Variants in OMA1 observed in about 807,000 individuals in gnomAD.
The protein encoded by OMA1 is metalloendopeptidase OMA1, mitochondrial.
OMA1 carries 38 observed loss-of-function variants against 30.9 expected under a neutral mutation model. The observed-to-expected ratio is 1.23, with a 90% CI of 0.95 to 1.61. OMA1 has a LOEUF of 1.61. Among genes scored for constraint, OMA1 ranks in the 40% most tolerant of loss-of-function variants. The probability of loss-of-function intolerance (pLI) is 0.00; values close to 1 mark genes in which losing one functional copy is unlikely to be tolerated. For missense variants in OMA1, 461 were observed against 349.2 expected, an observed-to-expected ratio of 1.32 and a Z score of -2.55; for synonymous variants, 173 against 121.9, an observed-to-expected ratio of 1.42 and a Z score of -2.76.
chr1:58,525,704 A>G (rs560429974), intron 7 of OMA1, among the ~76,000 whole-genome samples: 7 of 152,184 alleles, frequency 4.6e-5, no homozygotes, highest in Non-Finnish European at 1.5e-5. Context: ...CTATGTATGT[A>G]TAATTTAATA....
At chr1:58,497,087 C>A (rs923746354) in intron 8 of OMA1, among the ~76,000 whole-genome samples, 2 of 152,136 alleles carry the variant, frequency 1.3e-5, no homozygotes, top group African/African-American at 4.8e-5. Context: ...TATAAAATAT[C>A]CTTCCCAAAA....
At chr1:58,505,742 T>C (rs1645977947) in intron 8 of OMA1, among the ~76,000 whole-genome samples, 1 of 152,154 alleles carries the variant, frequency 6.6e-6, no homozygotes, top group African/African-American at 2.4e-5. Context: ...TAAATTATCA[T>C]CAACATGTTT....
chr1:58,508,102 T>C (rs1160556222), intron 7 of OMA1, among the ~76,000 whole-genome samples: 1 of 152,146 alleles, frequency 6.6e-6, no homozygotes, highest in Non-Finnish European at 1.5e-5. Flanking sequence ...ATATTTGATA[T>C]GCAGAAATAG....
chr1:58,490,795 C>CATT, intron 8 of OMA1, among the ~76,000 whole-genome samples: 1 of 59,272 alleles, frequency 1.7e-5, no homozygotes, highest in East Asian at 7.2e-4. Context: ...AGTCAACATT[C>CATT]TTTTTTTTTT....
chr1:58,527,005 C>A (rs11799415), intron 7 of OMA1, among the ~76,000 whole-genome samples: 1 of 151,948 alleles, frequency 6.6e-6, no homozygotes, highest in Non-Finnish European at 1.5e-5. Flanking sequence ...TTAATAGAAC[C>A]TGATAATTAC....
chr1:58,507,965 A>G (rs914244945), intron 7 of OMA1, among the ~76,000 whole-genome samples: 2 of 152,232 alleles, frequency 1.3e-5, no homozygotes, highest in African/African-American at 4.8e-5. Context: ...TCTAACATGA[A>G]GTTTGTCTGC....
chr1:58,483,234 C>A (rs570838420), intron 8 of OMA1, among the ~76,000 whole-genome samples: 4 of 152,266 alleles, frequency 2.6e-5, no homozygotes, highest in South Asian at 2.1e-4. Context: ...AGGAAGAGGT[C>A]CAGATGGGCC....
intron 7 of OMA1, among the ~76,000 whole-genome samples, chr1:58,509,826 T>C (rs185407858): frequency 1.3e-5 from 2 of 152,060 alleles, no homozygotes; most frequent in East Asian, 3.9e-4. Flanking sequence ...CCATTGTAAC[T>C]GATACCATAC....
At chr1:58,535,199 C>A (rs1292010688) in intron 3 of OMA1, among the ~76,000 whole-genome samples, 1 of 152,124 alleles carries the variant, frequency 6.6e-6, no homozygotes, top group East Asian at 1.9e-4. Flanking sequence ...ACAGAAGATA[C>A]TTTTTCTGAA....
At chr1:58,485,044 T>C (rs545048564) in intron 8 of OMA1, among the ~76,000 whole-genome samples, 4 of 152,108 alleles carry the variant, frequency 2.6e-5, no homozygotes, top group African/African-American at 4.8e-5. Context: ...CTAATGGACT[T>C]TGGGTGATAA....
At chr1:58,535,301 T>TC (rs1381001862) in intron 3 of OMA1, among the ~76,000 whole-genome samples, 1 of 152,148 alleles carries the variant, frequency 6.6e-6, no homozygotes, top group Non-Finnish European at 1.5e-5. Context: ...ATGCTTTTTT[T>TC]CACTTAAGAA....
At chr1:58,534,483 C>A in intron 3 of OMA1, 152 bp from the exon 4 acceptor site, 1 of 519,132 alleles carries the variant, frequency 1.9e-6, no homozygotes, top group East Asian at 3.2e-5. Flanking sequence ...TTTCTCAAAT[C>A]TGAATTATTC....
chr1:58,505,830 C>T (rs12135418), intron 8 of OMA1, among the ~76,000 whole-genome samples: 1,749 of 152,206 alleles, frequency 0.011, 18 homozygotes, highest in Non-Finnish European at 0.019. Context: ...AGGAGTTAAA[C>T]CTTCACTATT....
intron 8 of OMA1, among the ~76,000 whole-genome samples, chr1:58,504,454 G>A (rs1382630408): frequency 1.3e-5 from 2 of 152,044 alleles, no homozygotes; most frequent in Admixed American, 1.3e-4. Flanking sequence ...CTTGACAACC[G>A]AACATAGACT....
intron 8 of OMA1, among the ~76,000 whole-genome samples, chr1:58,488,296 G>C (rs1278790423): frequency 6.6e-6 from 1 of 152,070 alleles, no homozygotes; most frequent in African/African-American, 2.4e-5. Flanking sequence ...ACTATGTTCT[G>C]ATGATTGGAA....
intron 7 of OMA1, among the ~76,000 whole-genome samples, chr1:58,509,495 G>A (rs1646039510): frequency 6.7e-6 from 1 of 149,156 alleles, no homozygotes; most frequent in Admixed American, 6.7e-5. Context: ...TACAGCAAAG[G>A]CAGTTCTAAG....
intron 8 of OMA1, 73 bp downstream of exon 8, chr1:58,505,987 C>T (rs1645982454): frequency 1.3e-6 from 1 of 756,356 alleles, no homozygotes; most frequent in South Asian, 1.7e-5. Flanking sequence ...TTTTACTAAG[C>T]AAAAGAAGTG....
intron 8 of OMA1, among the ~76,000 whole-genome samples, chr1:58,499,501 GATAGATAA>G (rs756586329): frequency 0.014 from 2,139 of 150,610 alleles, 37 homozygotes; most frequent in Middle Eastern, 0.048. Context: ...TAGATAGATA[GATAGATAA>G]ATAGATAGAT....
chr1:58,521,226 G>A (rs1646257169), intron 7 of OMA1, among the ~76,000 whole-genome samples: 1 of 151,352 alleles, frequency 6.6e-6, no homozygotes, highest in Non-Finnish European at 1.5e-5. Context: ...GCGAAAACAA[G>A]AATACATTTT....
Sources: allele counts gnomAD v4.1 joint callset (sites outside exome capture counted in the v4.1 genomes callset), GRCh38; gene constraint gnomAD v4.1.1; transcripts MANE v1.5; gene names NCBI Gene and HGNC (gene_info 2026-07-23, HGNC 2026-07-21).